The following DPP6 variants were observed in gnomAD, a reference collection of about 807,000 sequenced individuals.
DPP6 encodes dipeptidyl peptidase like 6.
A neutral mutation model predicts 122.6 loss-of-function variants in DPP6; 69 were observed. That is an observed-to-expected ratio of 0.56 (90% confidence interval 0.46 to 0.69). The LOEUF is 0.69. DPP6 is among the 30% of genes least tolerant of loss of function. The probability of loss-of-function intolerance (pLI) is 0.00; values close to 1 mark genes in which losing one functional copy is unlikely to be tolerated. For missense variants in DPP6, 928 were observed against 1,116.9 expected, an observed-to-expected ratio of 0.83 and a Z score of 2.41; for synonymous variants, 418 against 433.1, an observed-to-expected ratio of 0.97 and a Z score of 0.43.
At chr7:154,770,809 G>A (rs1404019333) in intron 9 of DPP6, among the ~76,000 whole-genome samples, 2 of 152,232 alleles carry the variant, frequency 1.3e-5, no homozygotes, top group Non-Finnish European at 2.9e-5. Flanking sequence ...GCATCCCAGT[G>A]TGAGTGGAGG....
intron 1 of DPP6, among the ~76,000 whole-genome samples, chr7:153,989,138 T>C (rs993446564): frequency 2.0e-5 from 3 of 147,968 alleles, no homozygotes; most frequent in South Asian, 2.3e-4. Flanking sequence ...CTCTCTGGTG[T>C]GCAGCACCGG....
intron 2 of DPP6, among the ~76,000 whole-genome samples, chr7:154,455,753 G>A (rs374759805): frequency 2.6e-4 from 40 of 152,244 alleles, no homozygotes; most frequent in East Asian, 1.2e-3. Flanking sequence ...ATTCACACTC[G>A]TGTTAAGACT....
chr7:153,786,186 C>T, the DPP6 span, among the ~76,000 whole-genome samples: 22 of 151,934 alleles, frequency 1.4e-4, no homozygotes, highest in African/African-American at 5.1e-4. Context: ...TAGTCATTTA[C>T]ATCATTTTTA....
chr7:153,991,667 C>A (rs958475778), intron 1 of DPP6, among the ~76,000 whole-genome samples: 1 of 152,190 alleles, frequency 6.6e-6, no homozygotes, highest in African/African-American at 2.4e-5. Context: ...CCCAAGGGAC[C>A]AGTCTGGAGC....
At chr7:154,188,028 A>T (rs1798433182) in intron 1 of DPP6, among the ~76,000 whole-genome samples, 1 of 151,950 alleles carries the variant, frequency 6.6e-6, no homozygotes, top group Non-Finnish European at 1.5e-5. Flanking sequence ...GTACCTGAAG[A>T]TGCTAATGGC....
chr7:154,775,023 C>T (rs567656595), intron 10 of DPP6, among the ~76,000 whole-genome samples: 2 of 152,312 alleles, frequency 1.3e-5, no homozygotes, highest in East Asian at 3.9e-4. Flanking sequence ...TGCCGTAGAG[C>T]ACTAGGCAGC....
the DPP6 span, among the ~76,000 whole-genome samples, chr7:153,777,218 GAAC>G: frequency 1.3e-5 from 2 of 152,202 alleles, no homozygotes; most frequent in Admixed American, 1.3e-4. Context: ...AATAGCTAAA[GAAC>G]AACAAAGCAA....
At chr7:154,823,514 G>GTACT (rs1294062502) in intron 16 of DPP6, among the ~76,000 whole-genome samples, 1 of 152,218 alleles carries the variant, frequency 6.6e-6, no homozygotes, top group Non-Finnish European at 1.5e-5. Context: ...TCAGAGGGAA[G>GTACT]TACTGGTGCC....
chr7:154,420,754 G>A (rs1322901458), intron 1 of DPP6, among the ~76,000 whole-genome samples: 1 of 152,114 alleles, frequency 6.6e-6, no homozygotes, highest in Non-Finnish European at 1.5e-5. Flanking sequence ...TAATCAGCTT[G>A]GTTTAATCAT....
intron 1 of DPP6, among the ~76,000 whole-genome samples, chr7:154,057,193 C>A (rs1800901327): frequency 6.6e-6 from 1 of 152,190 alleles, no homozygotes; most frequent in African/African-American, 2.4e-5. Flanking sequence ...GTTTGAGGGC[C>A]TTGGCAGCAA....
chr7:153,901,337 G>C (rs1467090021), intron 1 of DPP6, among the ~76,000 whole-genome samples: 1 of 152,198 alleles, frequency 6.6e-6, no homozygotes, highest in East Asian at 1.9e-4. Flanking sequence ...CTTGAAAATA[G>C]ATTCAGTGCC....
intron 1 of DPP6, among the ~76,000 whole-genome samples, chr7:154,251,637 C>G (rs1802356044): frequency 6.6e-6 from 1 of 152,360 alleles, no homozygotes. Context: ...GTGCAGCCTT[C>G]AGTCTGTGGC....
intron 1 of DPP6, among the ~76,000 whole-genome samples, chr7:154,010,396 A>G (rs1342872375): frequency 6.6e-6 from 1 of 152,224 alleles, no homozygotes; most frequent in East Asian, 1.9e-4. Context: ...ACCCCAGACC[A>G]CTATTCAGTT....
At chr7:153,875,675 T>G in the DPP6 span, among the ~76,000 whole-genome samples, 1 of 151,906 alleles carries the variant, frequency 6.6e-6, no homozygotes, top group Non-Finnish European at 1.5e-5. Flanking sequence ...ATTTATGGGG[T>G]AAACACTGAA....
At chr7:153,982,925 C>A (rs1157400688) in intron 1 of DPP6, among the ~76,000 whole-genome samples, 1 of 152,178 alleles carries the variant, frequency 6.6e-6, no homozygotes, top group African/African-American at 2.4e-5. Context: ...GAAGCTTGGT[C>A]CCAGAGGGGC....
intron 1 of DPP6, among the ~76,000 whole-genome samples, chr7:153,941,842 C>G (rs1486236527): frequency 1.3e-5 from 2 of 152,122 alleles, no homozygotes; most frequent in African/African-American, 2.4e-5. Context: ...ATCTCTCTTG[C>G]ACTCCTCTCT....
At chr7:153,927,416 A>G (rs1800951996) in intron 1 of DPP6, among the ~76,000 whole-genome samples, 1 of 152,256 alleles carries the variant, frequency 6.6e-6, no homozygotes, top group Non-Finnish European at 1.5e-5. Flanking sequence ...AATGTGATAT[A>G]TCAGCTTTAA....
At chr7:153,822,985 G>A in the DPP6 span, among the ~76,000 whole-genome samples, 3 of 151,984 alleles carry the variant, frequency 2.0e-5, no homozygotes, top group African/African-American at 7.3e-5. Flanking sequence ...CTAGTCTTTA[G>A]GAAAGCTTCA....
intron 3 of DPP6, among the ~76,000 whole-genome samples, chr7:154,519,262 T>C (rs1826781204): frequency 1.3e-5 from 2 of 152,224 alleles, no homozygotes; most frequent in African/African-American, 4.8e-5. Flanking sequence ...ACTTCCAGCA[T>C]GTTATGCTGG....
Sources: allele counts gnomAD v4.1 joint callset (sites outside exome capture counted in the v4.1 genomes callset), GRCh38; gene constraint gnomAD v4.1.1; transcripts MANE v1.5; gene names NCBI Gene and HGNC (gene_info 2026-07-23, HGNC 2026-07-21).